Variants in NCOA3 observed in about 807,000 individuals in gnomAD.
The protein encoded by NCOA3 is nuclear receptor coactivator 3, also known as CBP-interacting protein.
A neutral mutation model predicts 158.8 loss-of-function variants in NCOA3; 51 were observed. The ratio of observed to expected loss-of-function variants is 0.32; its 90% CI spans 0.26 to 0.41. The LOEUF is 0.41. NCOA3 is among the 10% of genes least tolerant of loss of function. The pLI is 1.00. For synonymous variants in NCOA3, 537 were observed against 592.4 expected (o/e 0.91, Z 1.36); for missense variants, 1,510 against 1,746.6 (o/e 0.86, Z 2.41).
chr20:47,509,191 C>T (rs1009557988), intron 1 of NCOA3, among the ~76,000 whole-genome samples: 2 of 151,996 alleles, frequency 1.3e-5, no homozygotes, highest in Admixed American at 6.6e-5. Flanking sequence ...GAATTTGAGA[C>T]CAGCCTGGGC....
chr20:47,565,241 A>G (rs927818781), intron 1 of NCOA3, among the ~76,000 whole-genome samples: 34 of 152,114 alleles, frequency 2.2e-4, no homozygotes, highest in African/African-American at 8.2e-4. Flanking sequence ...TCGGCCTCCC[A>G]ATGTGCTAGG....
chr20:47,585,496 G>T (rs1355689388), intron 2 of NCOA3, among the ~76,000 whole-genome samples: 2 of 152,090 alleles, frequency 1.3e-5, no homozygotes, highest in African/African-American at 4.8e-5. Flanking sequence ...AATCTGAGTT[G>T]TCTTTGAATC....
intron 2 of NCOA3, 21 bp from the exon 3 acceptor site, chr20:47,622,204 CTTAT>C (rs759599524): frequency 7.8e-7 from 1 of 1,275,294 alleles, no homozygotes; most frequent in East Asian, 2.4e-5. Flanking sequence ...ATGTACTTAT[CTTAT>C]TTCTCATTAT....
rs778829476 is a variant in NCOA3, at chr20:47,636,305, C to T, written c.1919C>T (p.Ser640Phe). The change falls in exon 12 of 23, where the codon TCC (serine) becomes TTC (phenylalanine). Residue 640 changes from serine to phenylalanine, a missense_variant. Ser to Phe is a radical substitution (Grantham distance 155). Around this residue, in one of 4 missense-constraint regions of NCOA3, gnomAD observed 1,017 missense variants for 1,098.3 expected, o/e 0.93. Transcript: ENST00000371998. ...DDRGHSSLTNSPLDSSCKESS... is the reference protein window; with the variant it reads ...DDRGHSSLTNFPLDSSCKESS... ...CGGGGTCATTCCTCCTTGACCAACT[C>T]CCCCCTAGATTCAAGTTGTAAAGAA... 2 of 1,614,018 alleles carry T rather than the reference C, an allele frequency of 1.2e-6. No homozygotes were observed. Among genetic ancestry groups the T allele is most frequent in the Non-Finnish European group, 1.7e-6 (2 of 1,180,032 alleles).
At chr20:47,548,105 G>T (rs1254445885) in intron 1 of NCOA3, among the ~76,000 whole-genome samples, 1 of 151,942 alleles carries the variant, frequency 6.6e-6, no homozygotes, top group African/African-American at 2.4e-5. Context: ...GATGGAAGTT[G>T]ACTCTGAAAT....
rs142561017 is a variant in NCOA3, at chr20:47,652,445, C to G, written c.3986C>G (p.Ser1329Cys). Residue 1329 changes from serine (S) to cysteine (C), a missense_variant, in exon 21 of 23, where the codon TCT becomes TGT. Physicochemically the swap from Ser to Cys is moderately radical, Grantham distance 112 (BLOSUM62 -1). Around this residue, in one of 4 missense-constraint regions of NCOA3, gnomAD observed 180 missense variants for 199.3 expected, o/e 0.90. Transcript: ENST00000371998. ...QQPDPAFGRV[S>C]SPPNAMMSSR... ...CCAGATCCAGCCTTTGGTCGAGTGT[C>G]TAGTCCTCCCAATGCAATGATGTCG... 5.0e-5 allele frequency: 80 copies of G among 1,613,354 alleles called. No homozygotes were observed. The highest frequency in any genetic ancestry group is 6.7e-5 in the Non-Finnish European group (79 of 1,179,448).
intron 1 of NCOA3, among the ~76,000 whole-genome samples, chr20:47,513,712 ACT>A (rs1454877728): frequency 9.1e-6 from 1 of 110,034 alleles, no homozygotes; most frequent in Admixed American, 1.1e-4. Flanking sequence ...ATGGAGCAAG[ACT>A]CTGTCTCAAA....
rs193283574 is a variant in NCOA3, at chr20:47,504,945, A to G, written c.-99+2926A>G. On this transcript the variant is annotated intron_variant, in intron 1 of 22. Transcript: ENST00000371998. ...TTTGGACAATAGGGTAAGATTTAAAAACTCTGCTATTGTCCTATCCCAAAT... is the reference window on the plus strand; with the variant it reads ...TTTGGACAATAGGGTAAGATTTAAAGACTCTGCTATTGTCCTATCCCAAAT... Among the ~76,000 whole-genome samples the G allele has an allele frequency of 4.3e-5, 6 of 140,208 alleles. No individual in the cohort carries two copies. In the East Asian group the frequency reaches 1.3e-3, roughly 31 times the overall value. The allele number at this position is 140,208 out of a possible 152,430, so 92.0% of individuals were successfully genotyped here.
chr20:47,639,000 T>G lies in NCOA3; in HGVS notation c.2513-8T>G. ...CGAAGAAATGTTTTTGTATTGTGTT[T>G]TCAACAGGTTTGAAAAGTTCACAGT... On this transcript the variant is annotated splice_polypyrimidine_tract_variant and splice_region_variant and intron_variant, in intron 13 of 22. Coordinates refer to ENST00000371998, the MANE Select transcript of NCOA3 (RefSeq NM_181659.3). 2 of 1,580,084 alleles carry G rather than the reference T, an allele frequency of 1.3e-6. No homozygotes were observed. Among genetic ancestry groups the G allele is most frequent in the Non-Finnish European group, 1.7e-6 (2 of 1,162,350 alleles).
intron 9 of NCOA3, among the ~76,000 whole-genome samples, chr20:47,633,837 T>C (rs2086461735): frequency 1.3e-5 from 2 of 152,198 alleles, no homozygotes; most frequent in South Asian, 4.1e-4. Flanking sequence ...ATGTTTGGTA[T>C]ACACATGACT....
intron 1 of NCOA3, among the ~76,000 whole-genome samples, chr20:47,503,612 T>C (rs1256706019): frequency 6.6e-6 from 1 of 152,178 alleles, no homozygotes; most frequent in East Asian, 1.9e-4. Flanking sequence ...AATGTGGGAA[T>C]ACTGTTTTTG....
chr20:47,537,101 G>T (rs1036980692), intron 1 of NCOA3, among the ~76,000 whole-genome samples: 5 of 151,944 alleles, frequency 3.3e-5, no homozygotes, highest in Non-Finnish European at 7.4e-5. Flanking sequence ...GAGCCACCGC[G>T]CCCGGCCTGT....
Position 47,649,051 on chromosome 20 carries a change from C to G in NCOA3, c.3593C>G (p.Pro1198Arg). 6.2e-7 allele frequency: 1 copy of G among 1,614,056 alleles called. No individual in the cohort carries two copies. Among genetic ancestry groups the G allele is most frequent in the South Asian group, 1.1e-5 (1 of 91,082 alleles). The change falls in exon 19 of 23, where the codon CCT becomes CGT. Residue 1198 changes from proline to arginine, a missense_variant. Physicochemically the swap from Pro to Arg is moderately radical, Grantham distance 103 (BLOSUM62 -2). This residue lies in a region of NCOA3 where 1,017 missense variants were observed against 1,098.3 expected (regional missense o/e 0.93). Coordinates refer to ENST00000371998, the MANE Select transcript of NCOA3 (RefSeq NM_181659.3). ...GCACTTGAATTGAAAATGGAAAACC[C>G]TACTGCTGGTGGTGCTGCGGTGATG... ...RQALELKMEN[P>R]TAGGAAVMRP... is the part of the protein sequence containing the mutation.
intron 2 of NCOA3, among the ~76,000 whole-genome samples, chr20:47,597,967 C>T (rs958476665): frequency 2.6e-5 from 4 of 151,210 alleles, no homozygotes; most frequent in South Asian, 4.3e-4. Context: ...AGGCTTCTGC[C>T]GGGCGTGGTG....
intron 17 of NCOA3, among the ~76,000 whole-genome samples, chr20:47,644,796 C>G (rs571873718): frequency 2.0e-5 from 3 of 152,218 alleles, no homozygotes; most frequent in South Asian, 4.1e-4. Context: ...CTCCTGTGTT[C>G]AAGCGATTCT....
chr20:47,601,121 G>A (rs1361072010), intron 2 of NCOA3, among the ~76,000 whole-genome samples: 2 of 152,208 alleles, frequency 1.3e-5, no homozygotes, highest in Admixed American at 6.5e-5. Flanking sequence ...GATCTGGTCA[G>A]CTTCTGGTGA....
chr20:47,523,688 G>A (rs1226455696), intron 1 of NCOA3, among the ~76,000 whole-genome samples: 3 of 152,172 alleles, frequency 2.0e-5, no homozygotes, highest in Admixed American at 6.5e-5. Context: ...TAATCCCAAA[G>A]CAGCATGTTT....
chr20:47,563,724 T>C lies in NCOA3; in HGVS notation c.-98-19459T>C, dbSNP rs147327174. ...CAACGTGGTGAAATGCCATCTCTAC[T>C]AAAAATATAAAAAAATTAGCTGGGC... is the stretch of plus-strand genomic sequence containing the variant. On this transcript the variant is annotated intron_variant, in intron 1 of 22. Coordinates refer to ENST00000371998, the MANE Select transcript of NCOA3 (RefSeq NM_181659.3). Among the ~76,000 whole-genome samples, 438 of 151,236 alleles carry C rather than the reference T, an allele frequency of 2.9e-3. 8 individuals carry two copies. The East Asian group carries it at 0.056, about 19-fold the overall frequency.
Position 47,525,661 on chromosome 20 carries a change from G to T in NCOA3, c.-99+23642G>T, listed in dbSNP as rs1219742197. Among the ~76,000 whole-genome samples the T allele has an allele frequency of 3.5e-5, 5 of 140,976 alleles. No homozygotes were observed. The East Asian group carries it at 6.7e-4, about 19-fold the overall frequency. 92.5% of individuals were successfully genotyped at this position (140,976 alleles called of 152,430 possible). Reference sequence around the variant, plus strand: ...GACGGGGCGGCTGGCCGGACGGGGGGGCTGACCCCCCCCACCTCCCTCCCG... The same window carrying T: ...GACGGGGCGGCTGGCCGGACGGGGGTGCTGACCCCCCCCACCTCCCTCCCG... On this transcript the variant is annotated intron_variant, in intron 1 of 22. Transcript: ENST00000371998.
Sources: allele counts gnomAD v4.1 joint callset (sites outside exome capture counted in the v4.1 genomes callset), GRCh38; gene constraint gnomAD v4.1.1; regional missense constraint gnomAD v4.1.1; transcripts MANE v1.5; gene names NCBI Gene and HGNC (gene_info 2026-07-23, HGNC 2026-07-21).